The following LIPC variants were observed in gnomAD, a reference collection of about 807,000 sequenced individuals.
The protein encoded by LIPC is hepatic triacylglycerol lipase.
In LIPC, 44 loss-of-function variants were observed where a neutral mutation model predicts 50.7. That is an observed-to-expected ratio of 0.87 (90% confidence interval 0.68 to 1.11). LIPC has a LOEUF of 1.11. Ranked by LOEUF, LIPC falls within the 50% of genes most tolerant of loss-of-function variation. The pLI is 0.00. For synonymous variants in LIPC, 271 were observed against 256.4 expected, an observed-to-expected ratio of 1.06 and a Z score of -0.54; for missense variants, 697 against 648.2, an observed-to-expected ratio of 1.08 and a Z score of -0.82.
intron 1 of LIPC, among the ~76,000 whole-genome samples, chr15:58,489,217 CGG>C (rs59532809): frequency 6.0e-5 from 1 of 16,546 alleles, no homozygotes; most frequent in African/African-American, 1.7e-4. Flanking sequence ...CATTTTGTTG[CGG>C]GGGCGGGGGG....
chr15:58,530,508 G>T (rs1892929186), intron 1 of LIPC, among the ~76,000 whole-genome samples: 1 of 152,232 alleles, frequency 6.6e-6, no homozygotes, highest in African/African-American at 2.4e-5. Flanking sequence ...GCTCAACCTG[G>T]ATCAAGGGCA....
At chr15:58,486,737 G>A (rs1891389732) in intron 1 of LIPC, among the ~76,000 whole-genome samples, 1 of 152,214 alleles carries the variant, frequency 6.6e-6, no homozygotes, top group Non-Finnish European at 1.5e-5. Context: ...CTGGCCCACA[G>A]ATGCCAAAGA....
chr15:58,530,601 A>G (rs1469347013), intron 1 of LIPC, among the ~76,000 whole-genome samples: 4 of 152,232 alleles, frequency 2.6e-5, no homozygotes, highest in African/African-American at 9.6e-5. Context: ...AACCATGATC[A>G]CCATCAAGAT....
chr15:58,533,984 G>A (rs568706357), intron 1 of LIPC, among the ~76,000 whole-genome samples: 15 of 152,292 alleles, frequency 9.8e-5, no homozygotes, highest in African/African-American at 3.4e-4. Flanking sequence ...AGGCCACTGG[G>A]CAGACAAAGG....
intron 1 of LIPC, among the ~76,000 whole-genome samples, chr15:58,444,263 CAAG>C (rs1893608850): frequency 6.6e-6 from 1 of 152,154 alleles, no homozygotes; most frequent in African/African-American, 2.4e-5. Context: ...GGAAGAACTG[CAAG>C]AAGGCACTCG....
chr15:58,508,676 G>A (rs1236755509), intron 1 of LIPC, among the ~76,000 whole-genome samples: 1 of 152,146 alleles, frequency 6.6e-6, no homozygotes, highest in Non-Finnish European at 1.5e-5. Context: ...GGCTGAGGGA[G>A]AGTCCTTACG....
At position 58,445,182 on chromosome 15, in the gene LIPC, AGC is replaced by A. The variant is rs201620513; in HGVS notation, c.88+13063_88+13064del. 1.3e-3 allele frequency among the ~76,000 whole-genome samples: 200 copies of A among 152,338 alleles called. 1 individual carries two copies. The highest frequency in any genetic ancestry group is 4.6e-3 in the African/African-American group (193 of 41,574). ...ATGATTGGGACTTTCTGGCAGCATA[AGC>A]AATAACCGGCAGGAGACCAAGAAGG... On this transcript the variant is annotated intron_variant, in intron 1 of 8. Coordinates refer to ENST00000299022, the MANE Select transcript of LIPC (RefSeq NM_000236.3).
intron 7 of LIPC, among the ~76,000 whole-genome samples, chr15:58,562,024 C>T (rs573646984): frequency 3.3e-5 from 5 of 152,286 alleles, no homozygotes; most frequent in South Asian, 2.1e-4. Flanking sequence ...CTGTGGTAGG[C>T]GCCAGATACT....
rs554174906 is a variant in LIPC, at chr15:58,453,617, G to A, written c.88+21497G>A. On this transcript the variant is annotated intron_variant, in intron 1 of 8. Coordinates refer to ENST00000299022, the MANE Select transcript of LIPC (RefSeq NM_000236.3). ...ACTCTCATTACAGAGTGTGGGTTCCGTACATTGGCGCGGTGGCTTATGCCT... is the reference window on the plus strand; with the variant it reads ...ACTCTCATTACAGAGTGTGGGTTCCATACATTGGCGCGGTGGCTTATGCCT... 3.4e-3 allele frequency among the ~76,000 whole-genome samples: 515 copies of A among 152,104 alleles called. 2 individuals are homozygous for A. Among genetic ancestry groups the A allele is most frequent in the Non-Finnish European group, 4.2e-3 (287 of 67,988 alleles).
At chr15:58,467,307 T>A (rs1894603975) in intron 1 of LIPC, among the ~76,000 whole-genome samples, 1 of 152,194 alleles carries the variant, frequency 6.6e-6, no homozygotes, top group Non-Finnish European at 1.5e-5. Context: ...AGGGGCTTCC[T>A]GCTTGTGGAG....
intron 1 of LIPC, among the ~76,000 whole-genome samples, chr15:58,529,188 A>G (rs1209378802): frequency 1.3e-5 from 2 of 152,230 alleles, no homozygotes; most frequent in African/African-American, 4.8e-5. Flanking sequence ...ACACAATGGG[A>G]TTAATTTGCC....
chr15:58,563,228 A>C lies in LIPC; in HGVS notation c.1170-277A>C, dbSNP rs374100826. 3.9e-4 allele frequency among the ~76,000 whole-genome samples: 59 copies of C among 152,278 alleles called. No homozygotes were observed. The East Asian group carries it at 9.9e-3, about 25-fold the overall frequency. ...TTCTTCCTAGAAGCTAAGCTAGAGA[A>C]AGTTAACTAGATTTGTTATAGTGGG... is the stretch of plus-strand genomic sequence containing the variant. On this transcript the variant is annotated intron_variant, in intron 7 of 8. Transcript: ENST00000299022.
intron 1 of LIPC, among the ~76,000 whole-genome samples, chr15:58,493,637 CAAAATTTATTACGTAT>C (rs1376595508): frequency 7.1e-6 from 1 of 141,304 alleles, no homozygotes; most frequent in African/African-American, 2.6e-5. Context: ...AAAATTTATA[CAAAATTTATTACGTAT>C]AAATAAAATT....
At chr15:58,444,417 G>T (rs1326730225) in intron 1 of LIPC, among the ~76,000 whole-genome samples, 17 of 152,136 alleles carry the variant, frequency 1.1e-4, no homozygotes, top group African/African-American at 4.1e-4. Context: ...CCCCAACATG[G>T]TCACTCGATA....
At chr15:58,482,744 G>T (rs1891235931) in intron 1 of LIPC, among the ~76,000 whole-genome samples, 1 of 152,100 alleles carries the variant, frequency 6.6e-6, no homozygotes, top group Non-Finnish European at 1.5e-5. Context: ...ACATTTTACG[G>T]TAAACTTCTA....
At chr15:58,490,357 G>A (rs1457725495) in intron 1 of LIPC, among the ~76,000 whole-genome samples, 3 of 152,160 alleles carry the variant, frequency 2.0e-5, no homozygotes, top group Non-Finnish European at 2.9e-5. Flanking sequence ...GATGCTATTC[G>A]TTTTCCAAAA....
Position 58,529,546 on chromosome 15 carries a change from A to T in LIPC, c.89-8787A>T, listed in dbSNP as rs74471855. Among the ~76,000 whole-genome samples the T allele has an allele frequency of 5.8e-3, 877 of 152,230 alleles. 8 individuals are homozygous for T. Among genetic ancestry groups the T allele is most frequent in the African/African-American group, 0.02 (816 of 41,534 alleles). Reference sequence around the variant, plus strand: ...AGTCAGCTGTCTTCCGTGATTCAAGACCCAGTCTACTGTCTTCTGTGATTC... The same window carrying T: ...AGTCAGCTGTCTTCCGTGATTCAAGTCCCAGTCTACTGTCTTCTGTGATTC... On this transcript the variant is annotated intron_variant, in intron 1 of 8. Coordinates refer to ENST00000299022, the MANE Select transcript of LIPC (RefSeq NM_000236.3).
intron 1 of LIPC, among the ~76,000 whole-genome samples, chr15:58,452,009 G>A (rs754071274): frequency 2.6e-5 from 4 of 152,174 alleles, no homozygotes; most frequent in Non-Finnish European, 5.9e-5. Context: ...CTCAAGCATC[G>A]TTCCTCCCAG....
In LIPC at chr15:58,531,626, CAAAAAA is replaced by C. The variant is rs60425157; in HGVS notation, c.89-6694_89-6689del. Among the ~76,000 whole-genome samples, 7 of 82,736 alleles carry C rather than the reference CAAAAAA, an allele frequency of 8.5e-5. No homozygotes were observed. The East Asian group carries it at 1.6e-3, about 18-fold the overall frequency. The allele number at this position is 82,736 out of a possible 152,430, so 54.3% of individuals were successfully genotyped here. A position where few individuals can be genotyped will look rare whatever the true frequency, so the allele number is the denominator to read the frequency against. On this transcript the variant is annotated intron_variant, in intron 1 of 8. Transcript: ENST00000299022. ...CAGTAGTATGGAGCCAAAATGGACT[CAAAAAA>C]AAAAAAAAAAAACCCCAGAATAAAT...
Sources: gnomAD v4.1 joint callset for allele counts (sites outside exome capture counted in the v4.1 genomes callset) on GRCh38, gnomAD v4.1.1 for gene constraint, MANE v1.5 for transcripts, NCBI Gene and HGNC (gene_info 2026-07-23, HGNC 2026-07-21) for gene names.